PRDM16: variants seen among roughly 807,000 people sequenced by gnomAD.
PRDM16 encodes PR/SET domain 16.
A neutral mutation model predicts 110.6 loss-of-function variants in PRDM16; 23 were observed. The ratio of observed to expected loss-of-function variants is 0.21; its 90% CI spans 0.15 to 0.29. The LOEUF (loss-of-function observed/expected upper bound fraction) is 0.29. Among genes scored for constraint, PRDM16 ranks in the 10% least tolerant of loss-of-function variants. The probability of loss-of-function intolerance (pLI) is 1.00; values close to 1 mark genes in which losing one functional copy is unlikely to be tolerated. For synonymous variants in PRDM16, 799 were observed against 781.8 expected (o/e 1.02, Z -0.37); for missense variants, 1,615 against 1,794.3 (o/e 0.90, Z 1.81).
rs1366555985 is a variant in PRDM16, at chr1:3,186,346, C to A, written c.259C>A (p.Arg87=). ...TCCGATCCCAGCAGACTTCGAGCTCCGAGAGTCCTCCATCCCAGGGGCTGG... is the reference window on the plus strand; with the variant it reads ...TCCGATCCCAGCAGACTTCGAGCTCAGAGAGTCCTCCATCCCAGGGGCTGG... ...DIPIPADFEL[R]ESSIPGAGLG... The change falls in exon 2 of 17, where the codon CGA becomes AGA. Residue 87 remains arginine, a synonymous_variant. Transcript: ENST00000270722. 1 of 1,612,354 alleles carries A rather than the reference C, an allele frequency of 6.2e-7. No homozygotes were observed. The highest frequency in any genetic ancestry group is 1.7e-5 in the Admixed American group (1 of 59,966).
chr1:3,417,983 G>A lies in PRDM16; in HGVS notation c.2847G>A (p.Glu949=), dbSNP rs1459550719. 3.1e-6 allele frequency: 5 copies of A among 1,612,388 alleles called. No individual in the cohort carries two copies. Among genetic ancestry groups the A allele is most frequent in the Admixed American group, 1.7e-5 (1 of 59,984 alleles). The change falls in exon 11 of 17, where the codon GAG becomes GAA. Residue 949 remains glutamate, a synonymous_variant. Coordinates refer to ENST00000270722, the MANE Select transcript of PRDM16 (RefSeq NM_022114.4). ...ACCCCATCCTCAGGAAGGGCAAGGAGCGATACACGTGCAGGTGAGGGGCCC... is the reference window on the plus strand; with the variant it reads ...ACCCCATCCTCAGGAAGGGCAAGGAACGATACACGTGCAGGTGAGGGGCCC... ...LSDPILRKGK[E]RYTCRYCGKI...
intron 1 of PRDM16, among the ~76,000 whole-genome samples, chr1:3,135,497 C>T (rs143162779): frequency 2.0e-5 from 3 of 152,366 alleles, no homozygotes; most frequent in East Asian, 3.9e-4. Context: ...TCTTAGCAGC[C>T]GCTGCCAAGG....
At chr1:3,362,567 G>A (rs1033055601) in intron 3 of PRDM16, among the ~76,000 whole-genome samples, 2 of 152,170 alleles carry the variant, frequency 1.3e-5, no homozygotes, top group Non-Finnish European at 2.9e-5. Context: ...AGTGGAAGAC[G>A]GAGAAGAGGA....
intron 3 of PRDM16, among the ~76,000 whole-genome samples, chr1:3,331,292 C>T (rs1642036535): frequency 6.6e-6 from 1 of 150,434 alleles, no homozygotes; most frequent in African/African-American, 2.4e-5. Flanking sequence ...TGGAGAAAGG[C>T]AGCCCCCCCC....
At chr1:3,330,116 C>G (rs959346890) in intron 3 of PRDM16, among the ~76,000 whole-genome samples, 4 of 152,254 alleles carry the variant, frequency 2.6e-5, no homozygotes, top group Non-Finnish European at 5.9e-5. Context: ...TTTGAGACTT[C>G]TGGTCACCCA....
At chr1:3,258,837 C>A (rs976918666) in intron 3 of PRDM16, among the ~76,000 whole-genome samples, 2 of 152,218 alleles carry the variant, frequency 1.3e-5, no homozygotes, top group Admixed American at 6.5e-5. Context: ...CCTGCTCGAG[C>A]CAGGCCAGGG....
intron 3 of PRDM16, among the ~76,000 whole-genome samples, chr1:3,325,789 C>T (rs374809258): frequency 1.1e-4 from 17 of 152,150 alleles, no homozygotes; most frequent in East Asian, 3.9e-4. Context: ...CCATCCTTGG[C>T]GATCCTTGGC....
intron 4 of PRDM16, among the ~76,000 whole-genome samples, chr1:3,386,477 G>A (rs535609551): frequency 7.2e-5 from 11 of 152,268 alleles, no homozygotes; most frequent in African/African-American, 1.2e-4. Flanking sequence ...AATCTCCATC[G>A]AGCAGTTGCT....
At chr1:3,112,122 T>C (rs1259779966) in intron 1 of PRDM16, among the ~76,000 whole-genome samples, 6 of 151,812 alleles carry the variant, frequency 4.0e-5, no homozygotes, top group South Asian at 2.1e-4. Context: ...GAAGTTCCTT[T>C]CCCCCCCTTA....
At chr1:3,407,873 G>T (rs764643665) in intron 8 of PRDM16, among the ~76,000 whole-genome samples, 1 of 152,176 alleles carries the variant, frequency 6.6e-6, no homozygotes, top group African/African-American at 2.4e-5. Context: ...CCACACACTC[G>T]GCTCACCTTT....
chr1:3,266,587 G>T (rs974641782), intron 3 of PRDM16, among the ~76,000 whole-genome samples: 3 of 152,200 alleles, frequency 2.0e-5, no homozygotes, highest in Non-Finnish European at 2.9e-5. Flanking sequence ...TCTCAGACCC[G>T]CTTGTCTCGC....
chr1:3,352,617 G>A (rs1055737978), intron 3 of PRDM16, among the ~76,000 whole-genome samples: 20 of 152,226 alleles, frequency 1.3e-4, no homozygotes, highest in African/African-American at 3.6e-4. Context: ...TGAGAACCGC[G>A]CAGCACAGCT....
At chr1:3,170,064 T>TTTC (rs201589407) in intron 1 of PRDM16, among the ~76,000 whole-genome samples, 9,476 of 152,276 alleles carry the variant, frequency 0.062, 310 homozygotes, top group Admixed American at 0.077. Context: ...TGAATTTTTT[T>TTTC]TTTCTTTCTT....
intron 3 of PRDM16, among the ~76,000 whole-genome samples, chr1:3,336,060 C>G (rs1642139362): frequency 6.6e-6 from 1 of 152,226 alleles, no homozygotes; most frequent in Non-Finnish European, 1.5e-5. Flanking sequence ...CGCTGATGTG[C>G]AGAACCCCAA....
At chr1:3,384,054 CAT>C (rs1643154644) in intron 3 of PRDM16, among the ~76,000 whole-genome samples, 1 of 151,870 alleles carries the variant, frequency 6.6e-6, no homozygotes, top group African/African-American at 2.4e-5. Flanking sequence ...CACAAGGACA[CAT>C]ATGCCCACCG....
intron 2 of PRDM16, among the ~76,000 whole-genome samples, chr1:3,237,746 G>A (rs921781976): frequency 6.6e-6 from 1 of 152,254 alleles, no homozygotes; most frequent in African/African-American, 2.4e-5. Context: ...AGGCGGGGCT[G>A]CCAGCGAACA....
At chr1:3,123,321 G>C (rs952214358) in intron 1 of PRDM16, among the ~76,000 whole-genome samples, 3 of 152,232 alleles carry the variant, frequency 2.0e-5, no homozygotes, top group African/African-American at 7.2e-5. Flanking sequence ...GTCCTGGGCT[G>C]AGGGGTTCAA....
In PRDM16 at chr1:3,385,295, G is replaced by A. The variant is rs376759712; in HGVS notation, c.573+9G>A. ...GTCAGATCAGTGAGCAGGTAGGTCC[G>A]GGCTCATAACAGGGGCTTCTGCCTC... On this transcript the variant is annotated intron_variant, in intron 4 of 16. Coordinates refer to ENST00000270722, the MANE Select transcript of PRDM16 (RefSeq NM_022114.4). 108 of 1,613,372 alleles carry A rather than the reference G, an allele frequency of 6.7e-5. No individual in the cohort carries two copies. Among genetic ancestry groups the A allele is most frequent in the East Asian group, 2.5e-4 (11 of 44,880 alleles).
chr1:3,197,207 GGAAA>G (rs1422132628), intron 2 of PRDM16, among the ~76,000 whole-genome samples: 1 of 152,214 alleles, frequency 6.6e-6, no homozygotes, highest in African/African-American at 2.4e-5. Flanking sequence ...CCCCAGGGAG[GGAAA>G]GAGTCATATG....
Sources: gnomAD v4.1 joint callset for allele counts (sites outside exome capture counted in the v4.1 genomes callset) on GRCh38, gnomAD v4.1.1 for gene constraint, MANE v1.5 for transcripts, NCBI Gene and HGNC (gene_info 2026-07-23, HGNC 2026-07-21) for gene names.